Variants in DOCK11 observed in about 807,000 individuals in gnomAD.
DOCK11 encodes the protein dedicator of cytokinesis 11.
A neutral mutation model predicts 169.1 loss-of-function variants in DOCK11; 70 were observed. The observed-to-expected ratio is 0.41, with a 90% CI of 0.34 to 0.51. The LOEUF (loss-of-function observed/expected upper bound fraction) is 0.51. DOCK11 is among the 20% of genes least tolerant of loss of function. DOCK11 has a pLI of 0.10. For missense variants in DOCK11, 1,166 were observed against 1,538.8 expected, an observed-to-expected ratio of 0.76 and a Z score of 4.05; for synonymous variants, 529 against 541.3, an observed-to-expected ratio of 0.98 and a Z score of 0.32.
intron 35 of DOCK11, among the ~76,000 whole-genome samples, chrX:118,631,200 A>G (rs1425636437): frequency 9.0e-6 from 1 of 111,189 alleles, no homozygotes; most frequent in African/African-American, 3.3e-5. Context: ...GCAAAAATGG[A>G]AAACATAAAA....
At position 118,561,519 on chromosome X, in the gene DOCK11, T is replaced by C; in HGVS notation, c.693+2T>C. The C allele has an allele frequency of 8.5e-7, 1 of 1,182,103 alleles. No homozygotes were observed. The highest frequency in any genetic ancestry group is 1.1e-6 in the Non-Finnish European group (1 of 882,042). On this transcript the variant is annotated splice_donor_variant, in intron 7 of 52. Coordinates refer to ENST00000276202, the MANE Select transcript of DOCK11 (RefSeq NM_144658.4). LOFTEE classifies it high-confidence loss of function. The stretch of plus-strand genomic sequence containing the variant: ...GACGCCTGCATTGATGTTGTTCAGG[T>C]AAGGCCATTGAGGTAATCCTTCTCT...
intron 5 of DOCK11, 83 bp from the exon 6 acceptor site, chrX:118,545,938 G>C: frequency 3.2e-6 from 2 of 624,708 alleles, no homozygotes; most frequent in Non-Finnish European, 5.3e-6. Context: ...AATGGGCAGG[G>C]CCTCATTCTG....
At chrX:118,526,386 C>T (rs1212287463) in intron 1 of DOCK11, among the ~76,000 whole-genome samples, 1 of 112,435 alleles carries the variant, frequency 8.9e-6, no homozygotes. Context: ...GGTCTGTCCC[C>T]AGGGCCCTTC....
At chrX:118,639,338 G>A (rs1242925236) in intron 37 of DOCK11, 97 bp from the exon 38 acceptor site, 1 of 948,696 alleles carries the variant, frequency 1.1e-6, no homozygotes, top group Non-Finnish European at 1.4e-6. Flanking sequence ...GTACTACTAT[G>A]TTTATGTGGA....
At chrX:118,562,635 C>A in intron 7 of DOCK11, among the ~76,000 whole-genome samples, 1 of 112,105 alleles carries the variant, frequency 8.9e-6, no homozygotes, top group Admixed American at 9.5e-5. Flanking sequence ...ATTCTGTGCT[C>A]TGGTCACACC....
intron 8 of DOCK11, 33 bp from the exon 9 acceptor site, chrX:118,566,541 G>T: frequency 8.5e-7 from 1 of 1,179,676 alleles, no homozygotes; most frequent in South Asian, 1.8e-5. Flanking sequence ...TGGTCTGTAT[G>T]GTTTAGAACA....
At chrX:118,627,246 A>G (rs972487576) in intron 32 of DOCK11, among the ~76,000 whole-genome samples, 11 of 110,938 alleles carry the variant, frequency 9.9e-5, no homozygotes, top group Non-Finnish European at 1.5e-4. Flanking sequence ...AAAACAAAAA[A>G]GACTGTACCA....
chrX:118,667,448 T>C (rs1449024439), intron 45 of DOCK11, among the ~76,000 whole-genome samples: 1 of 107,605 alleles, frequency 9.3e-6, no homozygotes, highest in East Asian at 2.9e-4. Flanking sequence ...AGACGTACCA[T>C]TTGGGGAAAA....
intron 1 of DOCK11, among the ~76,000 whole-genome samples, chrX:118,505,407 T>G (rs2057604835): frequency 8.9e-6 from 1 of 112,412 alleles, no homozygotes; most frequent in African/African-American, 3.2e-5. Flanking sequence ...TACTGATGAC[T>G]GTTGGCTCGC....
In DOCK11 at chrX:118,678,037, C is replaced by T. The variant is rs754325985; in HGVS notation, c.5460+1300C>T. 5.3e-5 allele frequency among the ~76,000 whole-genome samples: 6 copies of T among 112,282 alleles called. No individual in the cohort carries two copies. In the East Asian group the frequency reaches 1.7e-3, roughly 31 times the overall value. On this transcript the variant is annotated intron_variant, in intron 48 of 52. Transcript: ENST00000276202. ...GTTATGTATCATATTTTAGTAGTTC[C>T]CCACAGGCAACAGACATAATAAGCA...
intron 39 of DOCK11, 45 bp from the exon 40 acceptor site, chrX:118,643,412 G>A: frequency 8.6e-7 from 1 of 1,159,254 alleles, no homozygotes; most frequent in Non-Finnish European, 1.2e-6. Context: ...AATCAGTTCT[G>A]TCATTCTCAG....
Position 118,654,738 on chromosome X carries a change from A to G in DOCK11, c.4832A>G (p.Tyr1611Cys). The G allele has an allele frequency of 8.3e-7, 1 of 1,212,062 alleles. No homozygotes were observed. Among genetic ancestry groups the G allele is most frequent in the Non-Finnish European group, 1.1e-6 (1 of 895,579 alleles). The change falls in exon 43 of 53, where the codon TAT (tyrosine) becomes TGT (cysteine). Residue 1611 changes from tyrosine to cysteine, a missense_variant. Tyr to Cys is a radical substitution (Grantham distance 194). Coordinates refer to ENST00000276202, the MANE Select transcript of DOCK11 (RefSeq NM_144658.4). ...CTCCAGTATAGCTTAGCCAAGTCCT[A>G]TGCAAGCACCCCAGAGCTCAGGAAA... ...IDLQYSLAKS[Y>C]ASTPELRKTW... is the part of the protein sequence containing the mutation.
intron 44 of DOCK11, among the ~76,000 whole-genome samples, chrX:118,662,181 A>G (rs1169169295): frequency 9.0e-6 from 1 of 111,535 alleles, no homozygotes; most frequent in African/African-American, 3.3e-5. Context: ...TTTCTCTAGG[A>G]TGCTTCATCC....
intron 1 of DOCK11, among the ~76,000 whole-genome samples, chrX:118,503,882 C>T (rs1349665146): frequency 9.0e-6 from 1 of 110,926 alleles, no homozygotes; most frequent in African/African-American, 3.3e-5. Context: ...CCCCAGACTT[C>T]CAGTTAGAAT....
chrX:118,554,601 A>C (rs917673563), intron 6 of DOCK11, among the ~76,000 whole-genome samples: 5 of 111,680 alleles, frequency 4.5e-5, no homozygotes, highest in Non-Finnish European at 7.5e-5. Flanking sequence ...TGAGACACAC[A>C]ATAAAAATAA....
At chrX:118,648,020 A>ATTATTATATAT (rs1456178796) in intron 40 of DOCK11, among the ~76,000 whole-genome samples, 6 of 35,389 alleles carry the variant, frequency 1.7e-4, no homozygotes, top group Non-Finnish European at 2.8e-4. Flanking sequence ...TATATAATAT[A>ATTATTATATAT]AATTATAATA....
At chrX:118,683,373 T>A (rs2016787586) in intron 52 of DOCK11, 156 bp downstream of exon 52, 2 of 597,830 alleles carry the variant, frequency 3.3e-6, no homozygotes, top group Non-Finnish European at 4.9e-6. Flanking sequence ...AGTGATACAA[T>A]ACAAATCAAA....
chrX:118,659,540 A>G (rs2016162853), intron 44 of DOCK11, among the ~76,000 whole-genome samples: 1 of 112,183 alleles, frequency 8.9e-6, no homozygotes, highest in Non-Finnish European at 1.9e-5. Context: ...ATTCTAACAA[A>G]GGGTCGTGAT....
At chrX:118,668,684 C>A (rs778076418) in intron 45 of DOCK11, among the ~76,000 whole-genome samples, 3 of 110,877 alleles carry the variant, frequency 2.7e-5, no homozygotes, top group Non-Finnish European at 5.7e-5. Context: ...GTAGATAATA[C>A]GTAAATAATG....
Sources: gnomAD v4.1 joint callset for allele counts (sites outside exome capture counted in the v4.1 genomes callset) on GRCh38, gnomAD v4.1.1 for gene constraint, MANE v1.5 for transcripts, NCBI Gene and HGNC (gene_info 2026-07-23, HGNC 2026-07-21) for gene names.